The following CDH13 variants were observed in gnomAD, a reference collection of about 807,000 sequenced individuals.
CDH13 encodes cadherin 13, also known as cadherin-13.
Under a neutral mutation model 63.8 loss-of-function variants are expected in CDH13, and 24 were observed. The ratio of observed to expected loss-of-function variants is 0.38; its 90% confidence interval spans 0.27 to 0.53. The LOEUF (loss-of-function observed/expected upper bound fraction) is 0.53. Ranked by LOEUF, CDH13 falls within the 20% of genes least tolerant of loss-of-function variation. The pLI, the probability that CDH13 is intolerant of heterozygous loss-of-function variation, is 0.85. For missense variants in CDH13, 1,049 were observed against 903.1 expected, an observed-to-expected ratio of 1.16 and a Z score of -2.07; for synonymous variants, 503 against 355.3, an observed-to-expected ratio of 1.42 and a Z score of -4.67.
intron 5 of CDH13, among the ~76,000 whole-genome samples, chr16:83,280,648 G>C (rs181530166): frequency 2.6e-5 from 4 of 152,090 alleles, no homozygotes; most frequent in Admixed American, 2.6e-4. Context: ...ACTTTGCCCA[G>C]ATCCATCAAA....
At chr16:83,248,105 C>T (rs143215383) in intron 5 of CDH13, among the ~76,000 whole-genome samples, 325 of 152,220 alleles carry the variant, frequency 2.1e-3, no homozygotes, top group Non-Finnish European at 1.5e-3. Context: ...CTAATGAGAT[C>T]AGAGACAGGG....
At chr16:83,675,805 C>A (rs1265958651) in intron 9 of CDH13, among the ~76,000 whole-genome samples, 1 of 152,100 alleles carries the variant, frequency 6.6e-6, no homozygotes, top group South Asian at 2.1e-4. Flanking sequence ...GCAGAAATAT[C>A]CAAGAATGTT....
chr16:83,356,943 G>C (rs747459639), intron 6 of CDH13, among the ~76,000 whole-genome samples: 2 of 152,142 alleles, frequency 1.3e-5, no homozygotes, highest in African/African-American at 2.4e-5. Context: ...AGTTTGGTTT[G>C]GGGAATTCTT....
chr16:83,628,400 GC>G (rs1910507956), intron 8 of CDH13, among the ~76,000 whole-genome samples: 1 of 152,164 alleles, frequency 6.6e-6, no homozygotes, highest in Non-Finnish European at 1.5e-5. Flanking sequence ...GAGCCCCGGG[GC>G]TCTGCCTGGA....
At chr16:83,692,781 T>C (rs1371880165) in intron 10 of CDH13, among the ~76,000 whole-genome samples, 1 of 152,068 alleles carries the variant, frequency 6.6e-6, no homozygotes, top group African/African-American at 2.4e-5. Flanking sequence ...CTTACAGCCT[T>C]GCAAAGAAAA....
rs113406134 is a variant in CDH13, at chr16:82,744,266, G to C, written c.46-114096G>C. Among the ~76,000 whole-genome samples the C allele has an allele frequency of 5.8e-3, 888 of 152,308 alleles. 16 individuals carry two copies. The highest frequency in any genetic ancestry group is 0.02 in the African/African-American group (844 of 41,562). Reference sequence around the variant, plus strand: ...AAGCAAGAGGGTGATTGTTAAATGAGTAATTAGAATAAACACTGAAAAATG... The same window carrying C: ...AAGCAAGAGGGTGATTGTTAAATGACTAATTAGAATAAACACTGAAAAATG... On this transcript the variant is annotated intron_variant, in intron 1 of 13. Transcript: ENST00000567109.
chr16:83,425,192 C>G (rs755654874), intron 6 of CDH13, among the ~76,000 whole-genome samples: 1 of 152,156 alleles, frequency 6.6e-6, no homozygotes, highest in Non-Finnish European at 1.5e-5. Context: ...ACAGCTGGAA[C>G]GTAAATTGGA....
At chr16:83,150,340 T>G (rs1297070666) in intron 4 of CDH13, among the ~76,000 whole-genome samples, 2 of 152,194 alleles carry the variant, frequency 1.3e-5, no homozygotes, top group Non-Finnish European at 2.9e-5. Context: ...CCTATGCCTA[T>G]ATCTGTGTCT....
chr16:82,750,400 T>C (rs528645490), intron 1 of CDH13, among the ~76,000 whole-genome samples: 2 of 152,262 alleles, frequency 1.3e-5, no homozygotes, highest in South Asian at 4.1e-4. Flanking sequence ...CTTTATCTTG[T>C]GATTTATCAC....
intron 3 of CDH13, among the ~76,000 whole-genome samples, chr16:83,084,818 G>T (rs568679534): frequency 6.6e-6 from 1 of 152,172 alleles, no homozygotes; most frequent in Non-Finnish European, 1.5e-5. Flanking sequence ...AACCCAGGAG[G>T]CAGAGGTTGC....
intron 5 of CDH13, among the ~76,000 whole-genome samples, chr16:83,336,259 C>G (rs1285550365): frequency 6.7e-6 from 1 of 148,170 alleles, no homozygotes; most frequent in African/African-American, 2.5e-5. Flanking sequence ...CAAGATCACG[C>G]CACTGTACTC....
At position 83,751,101 on chromosome 16, in the gene CDH13, C is replaced by T. The variant is rs146107360; in HGVS notation, c.1681+2851C>T. ...GTGTGCAAAGATAAGGGCAGAGAAG[C>T]GTGTGGATACCGGACTGTTCTAAGG... is the stretch of plus-strand genomic sequence containing the variant. On this transcript the variant is annotated intron_variant, in intron 11 of 13. Transcript: ENST00000567109. Among the ~76,000 whole-genome samples, 49 of 152,106 alleles carry T rather than the reference C, an allele frequency of 3.2e-4. 1 individual carries two copies. The East Asian group carries it at 8.5e-3, about 26-fold the overall frequency.
chr16:83,185,633 T>C (rs2038494438), intron 4 of CDH13, among the ~76,000 whole-genome samples: 1 of 152,242 alleles, frequency 6.6e-6, no homozygotes, highest in African/African-American at 2.4e-5. Flanking sequence ...CCCATGCCTC[T>C]GAAAACGTCT....
chr16:83,197,182 C>T (rs1355890012), intron 4 of CDH13, among the ~76,000 whole-genome samples: 1 of 151,798 alleles, frequency 6.6e-6, no homozygotes, highest in African/African-American at 2.4e-5. Flanking sequence ...AATGCTAATC[C>T]CAGAGGTTGC....
chr16:82,667,728 A>T (rs4782726), intron 1 of CDH13, among the ~76,000 whole-genome samples: 2 of 151,784 alleles, frequency 1.3e-5, no homozygotes, highest in Non-Finnish European at 2.9e-5. Context: ...CGCAGTCACT[A>T]TGGAGCCGCC....
chr16:83,024,570 A>G (rs1277813620), intron 2 of CDH13, among the ~76,000 whole-genome samples: 1 of 152,184 alleles, frequency 6.6e-6, no homozygotes, highest in Non-Finnish European at 1.5e-5. Flanking sequence ...GTGGCCTCGG[A>G]TAACTCATGC....
chr16:82,674,554 C>G (rs1185666909), intron 1 of CDH13, among the ~76,000 whole-genome samples: 3 of 152,174 alleles, frequency 2.0e-5, no homozygotes, highest in Non-Finnish European at 4.4e-5. Context: ...TCCTTGTATT[C>G]TTAATTCATC....
At chr16:83,544,693 A>G (rs1275429892) in intron 7 of CDH13, among the ~76,000 whole-genome samples, 2 of 152,208 alleles carry the variant, frequency 1.3e-5, no homozygotes, top group Admixed American at 6.5e-5. Flanking sequence ...ACTATTGTGA[A>G]GTCAAAAAAT....
chr16:82,780,107 G>A (rs554653117), intron 1 of CDH13, among the ~76,000 whole-genome samples: 9 of 152,128 alleles, frequency 5.9e-5, no homozygotes, highest in Middle Eastern at 3.2e-3. Flanking sequence ...AACGGTGTCT[G>A]CAATAGTCTC....
Sources: allele counts gnomAD v4.1 joint callset (sites outside exome capture counted in the v4.1 genomes callset), GRCh38; gene constraint gnomAD v4.1.1; transcripts MANE v1.5; gene names NCBI Gene and HGNC (gene_info 2026-07-23, HGNC 2026-07-21).